The following LRMDA variants were observed in gnomAD, a reference collection of about 807,000 sequenced individuals.
LRMDA encodes leucine-rich melanocyte differentiation-associated protein.
A neutral mutation model predicts 29.8 loss-of-function variants in LRMDA; 18 were observed. That is an observed-to-expected ratio of 0.60 (90% CI 0.42 to 0.90). The LOEUF is 0.90. Among genes scored for constraint, LRMDA ranks in the 40% least tolerant of loss-of-function variants. LRMDA has a pLI of 0.00. For missense variants in LRMDA, 273 were observed against 273.9 expected (o/e 1.00, Z 0.02); for synonymous variants, 125 against 109.4 (o/e 1.14, Z -0.89).
At chr10:75,638,271 G>A (rs939818327) in intron 2 of LRMDA, among the ~76,000 whole-genome samples, 16 of 152,072 alleles carry the variant, frequency 1.1e-4, no homozygotes, top group African/African-American at 3.6e-4. Context: ...CAGTGGTGTG[G>A]GATTTATCAT....
intron 6 of LRMDA, among the ~76,000 whole-genome samples, chr10:76,430,536 G>A (rs1842179939): frequency 1.3e-5 from 2 of 152,112 alleles, no homozygotes; most frequent in Admixed American, 6.5e-5. Context: ...CTCTCATTAC[G>A]GGTGCTGAGT....
intron 5 of LRMDA, among the ~76,000 whole-genome samples, chr10:76,246,061 C>T (rs1167708923): frequency 3.9e-5 from 6 of 152,132 alleles, no homozygotes; most frequent in East Asian, 3.9e-4. Flanking sequence ...ATTTCATTGA[C>T]GAGGAAGCTG....
intron 3 of LRMDA, among the ~76,000 whole-genome samples, chr10:76,038,431 C>A (rs1048122144): frequency 6.6e-6 from 1 of 152,192 alleles, no homozygotes; most frequent in Non-Finnish European, 1.5e-5. Flanking sequence ...GGGACCGAAG[C>A]AGAAGACACT....
intron 2 of LRMDA, among the ~76,000 whole-genome samples, chr10:75,692,216 A>AT: frequency 1.8e-5 from 1 of 55,172 alleles, no homozygotes; most frequent in South Asian, 5.5e-4. Flanking sequence ...GGGAAAAAAA[A>AT]AAAATATATA....
At chr10:75,996,141 A>G (rs1847457770) in intron 2 of LRMDA, among the ~76,000 whole-genome samples, 1 of 152,200 alleles carries the variant, frequency 6.6e-6, no homozygotes, top group Non-Finnish European at 1.5e-5. Flanking sequence ...CATTAGAGTG[A>G]TAGTGATAAA....
At chr10:75,640,031 C>T (rs1841433438) in intron 2 of LRMDA, among the ~76,000 whole-genome samples, 1 of 152,154 alleles carries the variant, frequency 6.6e-6, no homozygotes, top group Non-Finnish European at 1.5e-5. Flanking sequence ...TTTGAATTCA[C>T]ATCCATCTGC....
intron 6 of LRMDA, among the ~76,000 whole-genome samples, chr10:76,416,448 T>A (rs1842015684): frequency 6.6e-6 from 1 of 152,224 alleles, no homozygotes; most frequent in Admixed American, 6.5e-5. Context: ...TCCTAATCTT[T>A]AGAATAATAT....
intron 2 of LRMDA, among the ~76,000 whole-genome samples, chr10:75,536,080 G>A (rs553190568): frequency 1.3e-5 from 2 of 152,222 alleles, no homozygotes; most frequent in South Asian, 4.1e-4. Flanking sequence ...CAGCCATGCC[G>A]CCGTCGCTCT....
At chr10:76,085,947 A>G (rs976972513) in intron 5 of LRMDA, among the ~76,000 whole-genome samples, 1 of 152,174 alleles carries the variant, frequency 6.6e-6, no homozygotes, top group Non-Finnish European at 1.5e-5. Flanking sequence ...GTTCCCAGCA[A>G]TGGGGATCAG....
intron 5 of LRMDA, among the ~76,000 whole-genome samples, chr10:76,144,831 G>C (rs1247234739): frequency 6.6e-6 from 1 of 152,112 alleles, no homozygotes; most frequent in African/African-American, 2.4e-5. Context: ...CTGTGGGTTT[G>C]TCATAGATAG....
chr10:76,123,818 C>T (rs1849831133), intron 5 of LRMDA, among the ~76,000 whole-genome samples: 1 of 152,188 alleles, frequency 6.6e-6, no homozygotes, highest in South Asian at 2.1e-4. Flanking sequence ...GATACTTTGT[C>T]ATCTTTCCGT....
rs2132064287 is a variant in LRMDA at position 75,563,588 on chromosome 10, T to C, written c.131+125094T>C. Among the ~76,000 whole-genome samples the C allele has an allele frequency of 2.0e-5, 3 of 152,320 alleles. 1 individual carries two copies. Among genetic ancestry groups the C allele is most frequent in the African/African-American group, 7.2e-5 (3 of 41,556 alleles). On this transcript the variant is annotated intron_variant, in intron 2 of 6. Coordinates refer to ENST00000611255, the MANE Select transcript of LRMDA (RefSeq NM_001305581.2). The stretch of plus-strand genomic sequence containing the variant: ...TTGCTGGTGAGGAACTGAGTTGCTT[T>C]GGAGGAGGAGAGGCGCTCTGCTTTT...
chr10:76,251,226 C>CTTTTTTTTT (rs558637864), intron 5 of LRMDA, among the ~76,000 whole-genome samples: 1 of 70,264 alleles, frequency 1.4e-5, no homozygotes, highest in African/African-American at 4.6e-5. Context: ...CCCGTCGCTT[C>CTTTTTTTTT]TTTTTTTTTT....
At chr10:75,705,820 A>G (rs1474878969) in intron 2 of LRMDA, among the ~76,000 whole-genome samples, 1 of 152,196 alleles carries the variant, frequency 6.6e-6, no homozygotes, top group Non-Finnish European at 1.5e-5. Context: ...CCTGGTGGCT[A>G]TAGGTTTTGC....
intron 6 of LRMDA, among the ~76,000 whole-genome samples, chr10:76,389,194 C>T (rs937325673): frequency 1.3e-5 from 2 of 152,116 alleles, no homozygotes; most frequent in Non-Finnish European, 2.9e-5. Flanking sequence ...GAAGGGAGAA[C>T]GGCATGTAGA....
chr10:76,026,663 G>T (rs1184051987), intron 2 of LRMDA, among the ~76,000 whole-genome samples: 1 of 152,164 alleles, frequency 6.6e-6, no homozygotes, highest in Non-Finnish European at 1.5e-5. Flanking sequence ...ATGAGGCATA[G>T]AGTTTAGTGT....
chr10:75,729,368 C>G (rs970511970), intron 2 of LRMDA, among the ~76,000 whole-genome samples: 1 of 152,250 alleles, frequency 6.6e-6, no homozygotes, highest in Non-Finnish European at 1.5e-5. Flanking sequence ...AGATTTCTCA[C>G]TGGATCGCCA....
chr10:75,446,031 G>C (rs1395747953), intron 2 of LRMDA, among the ~76,000 whole-genome samples: 1 of 152,234 alleles, frequency 6.6e-6, no homozygotes, highest in African/African-American at 2.4e-5. Context: ...CAGTGGCCTT[G>C]CCCTTTCTCC....
At chr10:76,543,316 CTGTGTGTG>C (rs71028203) in intron 6 of LRMDA, among the ~76,000 whole-genome samples, 1,912 of 144,182 alleles carry the variant, frequency 0.013, 41 homozygotes, top group East Asian at 0.074. Flanking sequence ...TGGGGTGTGC[CTGTGTGTG>C]TGTGTGTGTG....
Sources: gnomAD v4.1 joint callset for allele counts (sites outside exome capture counted in the v4.1 genomes callset) on GRCh38, gnomAD v4.1.1 for gene constraint, MANE v1.5 for transcripts, NCBI Gene and HGNC (gene_info 2026-07-23, HGNC 2026-07-21) for gene names.